Variants in CDH13 observed in about 807,000 individuals in gnomAD.
CDH13 encodes cadherin 13, also known as cadherin-13.
In CDH13, 24 loss-of-function variants were observed where a neutral mutation model predicts 63.8. That is an observed-to-expected ratio of 0.38 (90% CI 0.27 to 0.53). The LOEUF (loss-of-function observed/expected upper bound fraction) is 0.53. CDH13 is among the 20% of genes least tolerant of loss of function. The pLI is 0.85. For synonymous variants in CDH13, 503 were observed against 355.3 expected, an observed-to-expected ratio of 1.42 and a Z score of -4.67; for missense variants, 1,049 against 903.1, an observed-to-expected ratio of 1.16 and a Z score of -2.07.
intron 2 of CDH13, among the ~76,000 whole-genome samples, chr16:83,007,699 C>T (rs1254048973): frequency 6.6e-6 from 1 of 151,854 alleles, no homozygotes; most frequent in Non-Finnish European, 1.5e-5. Context: ...TGGCTTGTGC[C>T]TGTAGTCCCA....
At chr16:83,428,364 G>C (rs571724417) in intron 6 of CDH13, among the ~76,000 whole-genome samples, 1 of 137,448 alleles carries the variant, frequency 7.3e-6, no homozygotes, top group East Asian at 2.5e-4. Flanking sequence ...TGACCTCCAT[G>C]GTTAGATTTT....
intron 5 of CDH13, among the ~76,000 whole-genome samples, chr16:83,289,154 C>T (rs931174325): frequency 5.9e-5 from 9 of 152,184 alleles, no homozygotes; most frequent in South Asian, 2.1e-4. Context: ...CTGCTGGAGG[C>T]GAAGACCAGG....
chr16:82,721,501 C>G (rs868749904), intron 1 of CDH13, among the ~76,000 whole-genome samples: 52 of 152,090 alleles, frequency 3.4e-4, no homozygotes, highest in Middle Eastern at 6.8e-3. Context: ...GGCCAGTCAC[C>G]CAGTGAGGCT....
chr16:83,176,791 A>T (rs764478218), intron 4 of CDH13, among the ~76,000 whole-genome samples: 8 of 152,034 alleles, frequency 5.3e-5, no homozygotes, highest in Non-Finnish European at 1.0e-4. Context: ...ATCCCTAAGG[A>T]CCCTTCTAAT....
At chr16:82,885,025 T>C (rs2040833879) in intron 2 of CDH13, among the ~76,000 whole-genome samples, 1 of 152,166 alleles carries the variant, frequency 6.6e-6, no homozygotes, top group Non-Finnish European at 1.5e-5. Context: ...GGAGGCTACT[T>C]TGTGTTTTGG....
At chr16:83,256,059 G>T (rs887295693) in intron 5 of CDH13, among the ~76,000 whole-genome samples, 4 of 151,994 alleles carry the variant, frequency 2.6e-5, no homozygotes, top group African/African-American at 4.8e-5. Context: ...CTTGAGACAG[G>T]GTCTCATTTT....
chr16:82,765,443 A>G (rs1191736248), intron 1 of CDH13, among the ~76,000 whole-genome samples: 1 of 152,108 alleles, frequency 6.6e-6, no homozygotes, highest in Non-Finnish European at 1.5e-5. Context: ...TTCTATTTTA[A>G]CTGTCAAAAT....
At chr16:82,842,137 TACACATATATATATATATATATATATAC>T (rs1274714688) in intron 1 of CDH13, among the ~76,000 whole-genome samples, 2,211 of 55,284 alleles carry the variant, frequency 0.04, 130 homozygotes, top group Admixed American at 0.072. Flanking sequence ...TATATATATA[TACACATATATATATATATATATATATAC>T]ACACACACAC....
intron 10 of CDH13, among the ~76,000 whole-genome samples, chr16:83,723,826 G>A (rs906080586): frequency 3.3e-5 from 5 of 152,208 alleles, no homozygotes; most frequent in African/African-American, 1.2e-4. Context: ...AATAAATATT[G>A]AAAGAATGAG....
At chr16:82,841,727 CAGTGTTATGATGGT>C (rs2039016669) in intron 1 of CDH13, among the ~76,000 whole-genome samples, 2 of 151,984 alleles carry the variant, frequency 1.3e-5, no homozygotes, top group Admixed American at 1.3e-4. Flanking sequence ...CTTTGTGGTA[CAGTGTTATGATGGT>C]TTATGTTCAT....
chr16:83,251,878 A>C lies in CDH13; in HGVS notation c.636+34381A>C, dbSNP rs573556897. On this transcript the variant is annotated intron_variant, in intron 5 of 13. Coordinates refer to ENST00000567109, the MANE Select transcript of CDH13 (RefSeq NM_001257.5). ...GGCAGGGAACATTCTTCTTCACACAAAGAGGCCTTCCCCTCACCAAGCTGA... is the reference window on the plus strand; with the variant it reads ...GGCAGGGAACATTCTTCTTCACACACAGAGGCCTTCCCCTCACCAAGCTGA... Among the ~76,000 whole-genome samples the C allele has an allele frequency of 1.1e-3, 166 of 151,918 alleles. 1 individual carries two copies. Among genetic ancestry groups the C allele is most frequent in the Middle Eastern group, 6.8e-3 (2 of 294 alleles).
At chr16:83,541,420 C>T (rs1183668357) in intron 7 of CDH13, among the ~76,000 whole-genome samples, 1 of 152,182 alleles carries the variant, frequency 6.6e-6, no homozygotes, top group African/African-American at 2.4e-5. Context: ...ACCAACCTTA[C>T]TCATCCTTTG....
intron 1 of CDH13, among the ~76,000 whole-genome samples, chr16:82,747,834 AT>A (rs1327460229): frequency 6.6e-6 from 1 of 152,220 alleles, no homozygotes; most frequent in African/African-American, 2.4e-5. Context: ...CAAAATTGTA[AT>A]TGGCCTTTTC....
intron 5 of CDH13, among the ~76,000 whole-genome samples, chr16:83,319,365 C>T (rs1419582803): frequency 6.6e-6 from 1 of 152,136 alleles, no homozygotes; most frequent in Non-Finnish European, 1.5e-5. Context: ...TCCGGTTTTC[C>T]TGTTTGAGAT....
At chr16:83,494,298 C>G (rs553620971) in intron 7 of CDH13, among the ~76,000 whole-genome samples, 5 of 152,002 alleles carry the variant, frequency 3.3e-5, no homozygotes, top group South Asian at 2.1e-4. Context: ...AAGTTCTTTT[C>G]GAGAGCTGTT....
intron 1 of CDH13, among the ~76,000 whole-genome samples, chr16:82,830,535 G>C (rs1336774536): frequency 6.6e-6 from 1 of 152,162 alleles, no homozygotes; most frequent in African/African-American, 2.4e-5. Context: ...TCGTTTGCTT[G>C]TGAATGGTGA....
chr16:82,858,507 C>A, intron 2 of CDH13, 34 bp downstream of exon 2: 1 of 1,241,168 alleles, frequency 8.1e-7, no homozygotes, highest in Non-Finnish European at 1.2e-6. Flanking sequence ...CTTTTAGACT[C>A]TTCTCATATT....
Position 82,915,786 on chromosome 16 carries a change from G to A in CDH13, c.157+57313G>A, listed in dbSNP as rs193247724. 2.0e-5 allele frequency among the ~76,000 whole-genome samples: 3 copies of A among 150,974 alleles called. No homozygotes were observed. In the East Asian group the frequency reaches 5.8e-4, roughly 29 times the overall value. ...TTGGATTTGCTCATCTCATATCAGA[G>A]ACTTTAAGGTACCCTCTGACATACA... On this transcript the variant is annotated intron_variant, in intron 2 of 13. Coordinates refer to ENST00000567109, the MANE Select transcript of CDH13 (RefSeq NM_001257.5).
At chr16:83,716,122 G>A (rs911205082) in intron 10 of CDH13, among the ~76,000 whole-genome samples, 1 of 152,090 alleles carries the variant, frequency 6.6e-6, no homozygotes, top group Non-Finnish European at 1.5e-5. Flanking sequence ...GTTTTTTAGA[G>A]CAGTTGCAGG....
Sources: allele counts gnomAD v4.1 joint callset (sites outside exome capture counted in the v4.1 genomes callset), GRCh38; gene constraint gnomAD v4.1.1; transcripts MANE v1.5; gene names NCBI Gene and HGNC (gene_info 2026-07-23, HGNC 2026-07-21).